The following MMP25 variants were observed in gnomAD, a reference collection of about 807,000 sequenced individuals.
The protein encoded by MMP25 is matrix metalloproteinase-25.
A neutral mutation model predicts 62.1 loss-of-function variants in MMP25; 68 were observed. The observed-to-expected ratio is 1.10, with a 90% CI of 0.90 to 1.34. MMP25 has a LOEUF of 1.34. MMP25 is among the 40% of genes most tolerant of loss of function. MMP25 has a pLI of 0.00. For synonymous variants in MMP25, 407 were observed against 345.6 expected, an observed-to-expected ratio of 1.18 and a Z score of -1.97; for missense variants, 942 against 792.5, an observed-to-expected ratio of 1.19 and a Z score of -2.26.
At position 3,046,881 on chromosome 16, in the gene MMP25, C is replaced by T. The variant is rs1955827534; in HGVS notation, c.-37C>T. 3.0e-6 allele frequency: 4 copies of T among 1,316,250 alleles called. No individual in the cohort carries two copies. The highest frequency in any genetic ancestry group is 3.9e-6 in the Non-Finnish European group (4 of 1,017,830). The allele number at this position is 1,316,250 out of a possible 1,614,324, so 81.5% of individuals were successfully genotyped here. A position where few individuals can be genotyped will look rare whatever the true frequency, so the allele number is the denominator to read the frequency against. ...CCCGGGGCGGCCCCAGCCAGGCCCCCTTCGAACCCCGCCGGCGGCCCGGGC... is the reference window on the plus strand; with the variant it reads ...CCCGGGGCGGCCCCAGCCAGGCCCCTTTCGAACCCCGCCGGCGGCCCGGGC... On this transcript the variant is annotated 5_prime_UTR_variant, in exon 1 of 10. Transcript: ENST00000336577.
chr16:3,055,323 C>G (rs1955987397), intron 4 of MMP25, among the ~76,000 whole-genome samples: 1 of 152,050 alleles, frequency 6.6e-6, no homozygotes, highest in Admixed American at 6.5e-5. Context: ...CAAGGAGAGA[C>G]AAGGCAGGGA....
At chr16:3,051,835 T>G (rs1401066802) in intron 4 of MMP25, 3 of 152,008 alleles carry the variant, frequency 2.0e-5, no homozygotes, top group Non-Finnish European at 2.9e-5. Context: ...AATATATATA[T>G]GAATATAGGC....
rs572174175 is a variant in MMP25 at position 3,050,462 on chromosome 16, G to A, written c.577G>A (p.Ala193Thr). 1.2e-6 allele frequency: 2 copies of A among 1,612,794 alleles called. No homozygotes were observed. Among genetic ancestry groups the A allele is most frequent in the East Asian group, 2.2e-5 (1 of 44,860 alleles). ...YPFDGLGGTLAHAFFPGEHPI... is the reference protein window; with the variant it reads ...YPFDGLGGTLTHAFFPGEHPI... Reference sequence around the variant, plus strand: ...CTTCGACGGGTTGGGGGGCACCCTAGCCCATGCCTTCTTCCCTGGGGAGCA... The same window carrying A: ...CTTCGACGGGTTGGGGGGCACCCTAACCCATGCCTTCTTCCCTGGGGAGCA... The change falls in exon 4 of 10, where the codon GCC (alanine) becomes ACC (threonine). Residue 193 changes from alanine to threonine, a missense_variant. Ala to Thr is a moderately conservative substitution (Grantham distance 58). Transcript: ENST00000336577.
Position 3,059,071 on chromosome 16 carries a change from G to A in MMP25, c.1662G>A (p.Leu554=). The A allele has an allele frequency of 6.5e-7, 1 of 1,549,138 alleles. No individual in the cohort carries two copies. Among genetic ancestry groups the A allele is most frequent in the East Asian group, 2.4e-5 (1 of 40,892 alleles). Residue 554 remains leucine (L), a synonymous_variant, in exon 10 of 10, where the codon CTG becomes CTA. Transcript: ENST00000336577. ...PAPIPLLLLP[L]LVGGVASR ...CCATCCCGCTGCTCCTCTTGCCCCT[G>A]CTGGTGGGGGGTGTAGCCTCCCGCT...
chr16:3,059,163 CG>C lies in MMP25; in HGVS notation c.*70del. 1 of 1,460,698 alleles carries C rather than the reference CG, an allele frequency of 6.8e-7. No individual in the cohort carries two copies. Among genetic ancestry groups the C allele is most frequent in the Non-Finnish European group, 9.1e-7 (1 of 1,100,116 alleles). The allele number at this position is 1,460,698 out of a possible 1,614,324, so 90.5% of individuals were successfully genotyped here. A position where few individuals can be genotyped will look rare whatever the true frequency, so the allele number is the denominator to read the frequency against. On this transcript the variant is annotated 3_prime_UTR_variant, in exon 10 of 10. Coordinates refer to ENST00000336577, the MANE Select transcript of MMP25 (RefSeq NM_022468.5). ...CGAGTCCCCCGCCGCTGGACCTGGTCGGGGGTTGTGAGGCGCTGCGGAGGCC... is the reference window on the plus strand; with the variant it reads ...CGAGTCCCCCGCCGCTGGACCTGGTCGGGGTTGTGAGGCGCTGCGGAGGCC...
At chr16:3,055,945 G>C (rs1487027512) in intron 4 of MMP25, 6 of 455,580 alleles carry the variant, frequency 1.3e-5, no homozygotes, top group Non-Finnish European at 2.6e-5. Flanking sequence ...GAGCGCCTGA[G>C]CTGAATACAG....
At chr16:3,057,672 C>G in intron 7 of MMP25, 59 bp downstream of exon 7, 3 of 1,495,976 alleles carry the variant, frequency 2.0e-6, no homozygotes, top group Non-Finnish European at 2.8e-6. Context: ...CAGTGACCCA[C>G]TGGGGCTGTG....
chr16:3,055,591 G>A (rs1167428289), intron 4 of MMP25: 4 of 329,580 alleles, frequency 1.2e-5, no homozygotes, highest in Non-Finnish European at 1.8e-5. Flanking sequence ...GGTTTGGTGA[G>A]AAGTGAACGA....
At chr16:3,047,347 T>C in intron 1 of MMP25, 68 bp from the exon 2 acceptor site, 9 of 1,544,344 alleles carry the variant, frequency 5.8e-6, no homozygotes, top group Non-Finnish European at 7.9e-6. Context: ...GCTGCCAGGA[T>C]GGTGGTGGGC....
At position 3,050,156 on chromosome 16, in the gene MMP25, G is replaced by A. The variant is rs186925004; in HGVS notation, c.368+12G>A. ...ACCCTGACATGGAGGTAGGTCCTGGGGCCCACCCGCACCCTGGCCCTGCCT... is the reference window on the plus strand; with the variant it reads ...ACCCTGACATGGAGGTAGGTCCTGGAGCCCACCCGCACCCTGGCCCTGCCT... On this transcript the variant is annotated intron_variant, in intron 3 of 9. Transcript: ENST00000336577. 5.8e-5 allele frequency: 93 copies of A among 1,599,066 alleles called. No homozygotes were observed. Among genetic ancestry groups the A allele is most frequent in the Admixed American group, 3.9e-4 (23 of 59,428 alleles).
Position 3,050,296 on chromosome 16 carries a change from C to G in MMP25, c.411C>G (p.Thr137=), listed in dbSNP as rs376257566. Residue 137 remains threonine (T), a synonymous_variant, in exon 4 of 10, where the codon ACC becomes ACG. Transcript: ENST00000336577. ...AGAGCTCCCAGCTGAGCCAGGAGAC[C>G]GTGCGGGTCCTCATGAGCTATGCCC... ...FPQSSQLSQE[T]VRVLMSYALM... The G allele has an allele frequency of 1.1e-5, 17 of 1,609,474 alleles. No homozygotes were observed. In the African/African-American group the frequency reaches 2.3e-4, roughly 22 times the overall value.
chr16:3,056,084 G>A (rs1224917197), intron 4 of MMP25: 1 of 360,290 alleles, frequency 2.8e-6, no homozygotes, highest in African/African-American at 2.2e-5. Context: ...ACAGGGTAGG[G>A]AGAGGAGGGG....
At chr16:3,047,597 C>G (rs1444668412) in intron 2 of MMP25, 50 bp downstream of exon 2, 21 of 1,586,658 alleles carry the variant, frequency 1.3e-5, no homozygotes, top group Non-Finnish European at 1.5e-5. Flanking sequence ...CCAGCCTGTC[C>G]ACCGCCCAAC....
At chr16:3,057,896 G>A (rs923498487) in intron 7 of MMP25, 2 of 582,120 alleles carry the variant, frequency 3.4e-6, no homozygotes, top group South Asian at 2.2e-5. Flanking sequence ...TAGAGATGGA[G>A]TCTCACTATA....
At position 3,047,477 on chromosome 16, in the gene MMP25, C is replaced by T; in HGVS notation, c.162C>T (p.Ser54=). The T allele has an allele frequency of 3.1e-6, 5 of 1,613,938 alleles. No homozygotes were observed. Among genetic ancestry groups the T allele is most frequent in the Non-Finnish European group, 4.2e-6 (5 of 1,179,966 alleles). ...PPHPAQAQLQ[S]PEKLRDAIKV... is the part of the protein sequence containing the mutation. The stretch of plus-strand genomic sequence containing the variant: ...ACCCTGCCCAGGCCCAGCTGCAGAG[C>T]CCTGAGAAGTTGCGCGATGCCATCA... Residue 54 remains serine (S), a synonymous_variant, in exon 2 of 10, where the codon AGC becomes AGT. Transcript: ENST00000336577.
At chr16:3,047,331 G>A (rs1955834765) in intron 1 of MMP25, 84 bp from the exon 2 acceptor site, 1 of 1,528,656 alleles carries the variant, frequency 6.5e-7, no homozygotes, top group African/African-American at 1.4e-5. Flanking sequence ...GCCTGGGAGG[G>A]GCAGGGCTGC....
At chr16:3,058,775 T>C in intron 9 of MMP25, 52 bp from the exon 10 acceptor site, 1 of 1,483,310 alleles carries the variant, frequency 6.7e-7, no homozygotes, top group East Asian at 2.4e-5. Context: ...TCCTTGGGCA[T>C]CAGGGAGCGG....
At position 3,050,365 on chromosome 16, in the gene MMP25, G is replaced by T; in HGVS notation, c.480G>T (p.Val160=). The T allele has an allele frequency of 6.2e-7, 1 of 1,614,022 alleles. No homozygotes were observed. Among genetic ancestry groups the T allele is most frequent in the Non-Finnish European group, 8.5e-7 (1 of 1,180,010 alleles). ...GMESGLTFHE[V]DSPQGQEPDI... ...AGTCAGGCCTCACATTTCATGAGGT[G>T]GATTCCCCCCAGGGCCAGGAGCCCG... Residue 160 remains valine, a synonymous_variant, in exon 4 of 10, where the codon GTG becomes GTT. Coordinates refer to ENST00000336577, the MANE Select transcript of MMP25 (RefSeq NM_022468.5).
chr16:3,055,773 G>GT (rs1277688342), intron 4 of MMP25: 1 of 452,928 alleles, frequency 2.2e-6, no homozygotes, highest in Non-Finnish European at 4.4e-6. Flanking sequence ...TCCGCATGGG[G>GT]TAACTGGGGC....
Sources: gnomAD v4.1 joint callset for allele counts (sites outside exome capture counted in the v4.1 genomes callset) on GRCh38, gnomAD v4.1.1 for gene constraint, MANE v1.5 for transcripts, NCBI Gene and HGNC (gene_info 2026-07-23, HGNC 2026-07-21) for gene names.